The following EML4 variants were observed in gnomAD, a reference collection of about 807,000 sequenced individuals.
EML4 encodes EMAP like 4.
A neutral mutation model predicts 129.0 loss-of-function variants in EML4; 72 were observed. The ratio of observed to expected loss-of-function variants is 0.56; its 90% CI spans 0.46 to 0.68. The LOEUF is 0.68. Ranked by LOEUF, EML4 falls within the 30% of genes least tolerant of loss-of-function variation. The pLI is 0.00. For missense variants in EML4, 1,363 were observed against 1,190.6 expected (o/e 1.14, Z -2.13); for synonymous variants, 532 against 405.0 (o/e 1.31, Z -3.77).
Position 42,282,756 on chromosome 2 carries a change from C to T in EML4, c.792-67C>T, listed in dbSNP as rs915234476. 2.2e-6 allele frequency: 3 copies of T among 1,345,896 alleles called. No individual in the cohort carries two copies. The African/African-American group carries it at 4.4e-5, about 20-fold the overall frequency. 83.4% of individuals were successfully genotyped at this position (1,345,896 alleles called of 1,614,324 possible). On this transcript the variant is annotated intron_variant, in intron 7 of 22. Transcript: ENST00000318522. ...TGTACCTTCCTAATTCCTTAAGTAT[C>T]CATGAAAAATCTGTTAACAACTTGA...
At chr2:42,329,641 G>C (rs1310320064) in intron 22 of EML4, 93 bp from the exon 23 acceptor site, 2 of 1,010,246 alleles carry the variant, frequency 2.0e-6, no homozygotes, top group Non-Finnish European at 3.0e-6. Flanking sequence ...TTCACAAGCT[G>C]AGTTTACCCC....
intron 6 of EML4, among the ~76,000 whole-genome samples, chr2:42,273,964 G>C (rs1666515177): frequency 6.6e-6 from 1 of 152,094 alleles, no homozygotes; most frequent in South Asian, 2.1e-4. Context: ...ACTGGAACTT[G>C]AAGTCTTTTG....
intron 2 of EML4, among the ~76,000 whole-genome samples, chr2:42,255,366 G>A (rs926491480): frequency 1.3e-5 from 2 of 152,152 alleles, no homozygotes; most frequent in South Asian, 2.1e-4. Context: ...ATTACAGGCT[G>A]AGCCACCGCG....
intron 6 of EML4, 28 bp downstream of exon 6, chr2:42,264,759 T>A (rs746129781): frequency 6.8e-7 from 1 of 1,465,282 alleles, no homozygotes; most frequent in Non-Finnish European, 9.4e-7. Flanking sequence ...TTAAAAATTT[T>A]ATTTTGCCCT....
At chr2:42,238,154 C>T (rs1250576386) in intron 1 of EML4, among the ~76,000 whole-genome samples, 1 of 152,076 alleles carries the variant, frequency 6.6e-6, no homozygotes, top group Non-Finnish European at 1.5e-5. Context: ...ACTTGGATCC[C>T]CTCCACAAGA....
intron 1 of EML4, among the ~76,000 whole-genome samples, chr2:42,194,332 C>T (rs1671774026): frequency 7.3e-6 from 1 of 137,330 alleles, no homozygotes; most frequent in Non-Finnish European, 1.5e-5. Flanking sequence ...CTGTATTTTT[C>T]ACTTCTCTCT....
At chr2:42,290,296 C>T (rs370222022) in intron 11 of EML4, among the ~76,000 whole-genome samples, 54 of 152,074 alleles carry the variant, frequency 3.6e-4, no homozygotes, top group Middle Eastern at 6.8e-3. Context: ...TCCATCCTTG[C>T]TTAAGTCACA....
chr2:42,234,781 C>T (rs1465307420), intron 1 of EML4, among the ~76,000 whole-genome samples: 1 of 152,162 alleles, frequency 6.6e-6, no homozygotes, highest in Non-Finnish European at 1.5e-5. Flanking sequence ...TTAAAAGTGC[C>T]TGTCTTAATA....
intron 11 of EML4, among the ~76,000 whole-genome samples, chr2:42,293,939 G>T (rs781094869): frequency 6.6e-6 from 1 of 152,150 alleles, no homozygotes; most frequent in Non-Finnish European, 1.5e-5. Context: ...AAATGCTTCC[G>T]TACACGTAAA....
At chr2:42,203,795 G>A (rs1299222621) in intron 1 of EML4, among the ~76,000 whole-genome samples, 1 of 151,890 alleles carries the variant, frequency 6.6e-6, no homozygotes, top group African/African-American at 2.4e-5. Flanking sequence ...GACCTCAACA[G>A]TTTGATAGGG....
chr2:42,296,875 G>A (rs562858440), intron 13 of EML4, among the ~76,000 whole-genome samples: 8 of 152,248 alleles, frequency 5.3e-5, no homozygotes, highest in South Asian at 2.1e-4. Context: ...ATTATATCCC[G>A]ATAAATCTAT....
intron 1 of EML4, among the ~76,000 whole-genome samples, chr2:42,176,275 G>A (rs1572828141): frequency 6.6e-6 from 1 of 151,926 alleles, no homozygotes; most frequent in Non-Finnish European, 1.5e-5. Context: ...CTTTTCCACC[G>A]CTATAGTTCA....
At chr2:42,253,240 T>TA (rs973619814) in intron 2 of EML4, among the ~76,000 whole-genome samples, 4 of 152,210 alleles carry the variant, frequency 2.6e-5, no homozygotes, top group Admixed American at 2.6e-4. Context: ...AAGGTTTTCT[T>TA]ACACCTTGTT....
At chr2:42,222,758 T>G (rs1471308276) in intron 1 of EML4, among the ~76,000 whole-genome samples, 1 of 152,080 alleles carries the variant, frequency 6.6e-6, no homozygotes, top group Admixed American at 6.5e-5. Context: ...GCCCTCCACA[T>G]TGATATATAG....
intron 1 of EML4, among the ~76,000 whole-genome samples, chr2:42,217,859 T>A (rs1413738281): frequency 1.3e-5 from 2 of 150,084 alleles, no homozygotes; most frequent in African/African-American, 5.1e-5. Flanking sequence ...TACTTCTAAA[T>A]ATGTAGAAGA....
chr2:42,301,703 G>A (rs1668295593), intron 14 of EML4, among the ~76,000 whole-genome samples: 1 of 150,586 alleles, frequency 6.6e-6, no homozygotes, highest in Non-Finnish European at 1.5e-5. Flanking sequence ...TATGCTTAGT[G>A]TTTTTTTTTC....
chr2:42,319,653 A>G (rs1305582972), intron 19 of EML4: 2 of 152,232 alleles, frequency 1.3e-5, no homozygotes, highest in Non-Finnish European at 2.9e-5. Context: ...TCTGCTGCTT[A>G]CTAGTTTGTG....
intron 1 of EML4, among the ~76,000 whole-genome samples, chr2:42,190,844 T>G (rs1671538474): frequency 6.6e-6 from 1 of 152,224 alleles, no homozygotes; most frequent in Admixed American, 6.5e-5. Flanking sequence ...GACACTGAAA[T>G]TTGAACTTAA....
intron 13 of EML4, among the ~76,000 whole-genome samples, chr2:42,297,328 A>G (rs1668016410): frequency 6.6e-6 from 1 of 152,182 alleles, no homozygotes; most frequent in Non-Finnish European, 1.5e-5. Flanking sequence ...AATCTCCAAC[A>G]CTGAGCAGAA....
Sources: allele counts gnomAD v4.1 joint callset (sites outside exome capture counted in the v4.1 genomes callset), GRCh38; gene constraint gnomAD v4.1.1; transcripts MANE v1.5; gene names NCBI Gene and HGNC (gene_info 2026-07-23, HGNC 2026-07-21).